The following ADAM12 variants were observed in gnomAD, a reference collection of about 807,000 sequenced individuals.
ADAM12 encodes the protein ADAM metallopeptidase domain 12.
Under a neutral mutation model 106.4 loss-of-function variants are expected in ADAM12, and 70 were observed. The ratio of observed to expected loss-of-function variants is 0.66; its 90% CI spans 0.54 to 0.80. The LOEUF (loss-of-function observed/expected upper bound fraction) is 0.80. Among genes scored for constraint, ADAM12 ranks in the 30% least tolerant of loss-of-function variants. The pLI is 0.00. For synonymous variants in ADAM12, 420 were observed against 433.5 expected (o/e 0.97, Z 0.39); for missense variants, 1,010 against 1,171.9 (o/e 0.86, Z 2.02).
chr10:126,223,627 G>A (rs1011616659), intron 3 of ADAM12, among the ~76,000 whole-genome samples: 12 of 152,224 alleles, frequency 7.9e-5, no homozygotes, highest in Non-Finnish European at 1.6e-4. Flanking sequence ...TCTATAGTAC[G>A]AGAAGAGCAG....
At chr10:126,312,131 GAAAAAAAAAAA>G (rs35783742) in intron 2 of ADAM12, among the ~76,000 whole-genome samples, 4 of 123,980 alleles carry the variant, frequency 3.2e-5, no homozygotes, top group Non-Finnish European at 6.5e-5. Context: ...GGTTGGTGTG[GAAAAAAAAAAA>G]AAAAAAAAAA....
At chr10:126,151,194 C>G (rs1285623176) in intron 4 of ADAM12, among the ~76,000 whole-genome samples, 1 of 152,114 alleles carries the variant, frequency 6.6e-6, no homozygotes, top group Non-Finnish European at 1.5e-5. Context: ...TACATGGCAT[C>G]ACCTAAGACA....
intron 2 of ADAM12, among the ~76,000 whole-genome samples, chr10:126,310,562 C>A (rs1466033580): frequency 1.3e-5 from 2 of 152,132 alleles, no homozygotes; most frequent in Non-Finnish European, 2.9e-5. Context: ...TACACAGCAG[C>A]CACTAAAAGC....
intron 14 of ADAM12, among the ~76,000 whole-genome samples, chr10:126,051,143 G>A (rs747531208): frequency 6.6e-6 from 1 of 152,128 alleles, no homozygotes; most frequent in African/African-American, 2.4e-5. Context: ...GGGAGGGAGA[G>A]CCTCAGTGTG....
intron 3 of ADAM12, among the ~76,000 whole-genome samples, chr10:126,181,889 C>T (rs1565120671): frequency 1.3e-5 from 2 of 152,204 alleles, no homozygotes; most frequent in African/African-American, 4.8e-5. Flanking sequence ...CTGAGATCCA[C>T]CGGGAGATTA....
chr10:126,248,589 T>A (rs1000153845), intron 3 of ADAM12, among the ~76,000 whole-genome samples: 11 of 152,218 alleles, frequency 7.2e-5, no homozygotes, highest in African/African-American at 2.7e-4. Context: ...CACATTTCAG[T>A]ACTCTTGACA....
intron 3 of ADAM12, among the ~76,000 whole-genome samples, chr10:126,213,944 C>A (rs1957943068): frequency 1.3e-5 from 2 of 152,178 alleles, no homozygotes; most frequent in Admixed American, 1.3e-4. Context: ...AGATGAATTC[C>A]AGGCTTAGCA....
chr10:126,363,930 C>T (rs766666857), intron 1 of ADAM12, among the ~76,000 whole-genome samples: 1 of 152,052 alleles, frequency 6.6e-6, no homozygotes. Context: ...TTAAATTCAG[C>T]AGCATATTAA....
At chr10:126,154,126 A>C (rs1405439100) in intron 4 of ADAM12, among the ~76,000 whole-genome samples, 1 of 152,096 alleles carries the variant, frequency 6.6e-6, no homozygotes, top group Non-Finnish European at 1.5e-5. Flanking sequence ...TCCAAACCCA[A>C]GCACCAGGCC....
At chr10:126,107,698 C>T (rs369831258) in intron 8 of ADAM12, among the ~76,000 whole-genome samples, 10 of 152,250 alleles carry the variant, frequency 6.6e-5, no homozygotes, top group Non-Finnish European at 8.8e-5. Context: ...TTTAGGACAG[C>T]GGTCACCATC....
intron 1 of ADAM12, among the ~76,000 whole-genome samples, chr10:126,378,625 C>A (rs1005882509): frequency 6.6e-6 from 1 of 152,082 alleles, no homozygotes; most frequent in Non-Finnish European, 1.5e-5. Flanking sequence ...ATAGCCTCTG[C>A]AAAAGGAAGA....
intron 3 of ADAM12, among the ~76,000 whole-genome samples, chr10:126,161,490 C>T (rs924319112): frequency 3.3e-5 from 5 of 152,292 alleles, no homozygotes; most frequent in Middle Eastern, 3.4e-3. Context: ...GGAGTGTTTG[C>T]TGCAGGTGCT....
chr10:126,346,671 G>A (rs1590809106), intron 1 of ADAM12, among the ~76,000 whole-genome samples: 3 of 152,230 alleles, frequency 2.0e-5, no homozygotes, highest in African/African-American at 7.2e-5. Context: ...CTCTTTGTAG[G>A]TCTCTAAGGA....
chr10:126,127,225 C>T (rs888339032), intron 5 of ADAM12, among the ~76,000 whole-genome samples: 1 of 152,160 alleles, frequency 6.6e-6, no homozygotes, highest in East Asian at 1.9e-4. Context: ...TGGCTAGAGA[C>T]ACCTGGCCAG....
chr10:126,155,145 T>G, intron 4 of ADAM12, 82 bp downstream of exon 4: 1 of 1,478,556 alleles, frequency 6.8e-7, no homozygotes, highest in Non-Finnish European at 9.4e-7. Flanking sequence ...GCATGTGATT[T>G]TGCTCCGAAT....
chr10:126,058,281 G>GAGTGAAAAGC (rs1954677131), intron 14 of ADAM12, among the ~76,000 whole-genome samples: 1 of 152,260 alleles, frequency 6.6e-6, no homozygotes, highest in Non-Finnish European at 1.5e-5. Context: ...TTCCAAGAAC[G>GAGTGAAAAGC]AATGAGTGAA....
intron 3 of ADAM12, among the ~76,000 whole-genome samples, chr10:126,165,268 G>A (rs1168902006): frequency 6.6e-6 from 1 of 152,128 alleles, no homozygotes; most frequent in Admixed American, 6.5e-5. Flanking sequence ...CCCAAGCTCA[G>A]GCAATTCTCC....
chr10:126,084,783 C>T (rs1212609220), intron 11 of ADAM12, among the ~76,000 whole-genome samples: 1 of 152,116 alleles, frequency 6.6e-6, no homozygotes, highest in East Asian at 1.9e-4. Flanking sequence ...CCCAAGCCTG[C>T]GAGCCAAAGG....
chr10:126,279,144 G>T (rs1959429660), intron 2 of ADAM12, among the ~76,000 whole-genome samples, 156 bp from the exon 3 acceptor site: 1 of 152,148 alleles, frequency 6.6e-6, no homozygotes, highest in South Asian at 2.1e-4. Flanking sequence ...ATAAATGAAG[G>T]TTTCTTAGCA....
Sources: allele counts gnomAD v4.1 joint callset (sites outside exome capture counted in the v4.1 genomes callset), GRCh38; gene constraint gnomAD v4.1.1; transcripts MANE v1.5; gene names NCBI Gene and HGNC (gene_info 2026-07-23, HGNC 2026-07-21).